The following NAALADL2 variants were observed in gnomAD, a reference collection of about 807,000 sequenced individuals.
NAALADL2 encodes inactive N-acetylated-alpha-linked acidic dipeptidase-like protein 2.
In NAALADL2, 76 loss-of-function variants were observed where a neutral mutation model predicts 87.2. That is an observed-to-expected ratio of 0.87 (90% CI 0.72 to 1.05). NAALADL2 has a LOEUF of 1.05. Ranked by LOEUF, NAALADL2 falls within the 50% of genes least tolerant of loss-of-function variation. The pLI, the probability that NAALADL2 is intolerant of heterozygous loss-of-function variation, is 0.00. For synonymous variants in NAALADL2, 354 were observed against 331.0 expected (o/e 1.07, Z -0.75); for missense variants, 1,089 against 945.8 (o/e 1.15, Z -1.99).
At chr3:175,062,480 G>C (rs1365732554) in intron 1 of NAALADL2, among the ~76,000 whole-genome samples, 4 of 80,710 alleles carry the variant, frequency 5.0e-5, no homozygotes, top group African/African-American at 2.4e-4. Context: ...GTTTGGCTGT[G>C]TGTGTGTGTG....
At chr3:174,648,783 T>C (rs1724060913) in intron 2 of NAALADL2, among the ~76,000 whole-genome samples, 1 of 152,210 alleles carries the variant, frequency 6.6e-6, no homozygotes, top group African/African-American at 2.4e-5. Context: ...TATGACTATA[T>C]TAAATGAATA....
At chr3:175,105,704 A>T (rs1307618742) in intron 2 of NAALADL2, among the ~76,000 whole-genome samples, 2 of 150,668 alleles carry the variant, frequency 1.3e-5, no homozygotes, top group African/African-American at 2.4e-5. Context: ...TTTTAAACAA[A>T]TTTTATCTAT....
intron 2 of NAALADL2, among the ~76,000 whole-genome samples, chr3:175,179,035 C>T (rs1736080928): frequency 6.6e-6 from 1 of 151,900 alleles, no homozygotes; most frequent in Non-Finnish European, 1.5e-5. Context: ...AAATGTCTAC[C>T]CTCCATGGTT....
chr3:175,193,182 A>G (rs1256446393), intron 2 of NAALADL2, among the ~76,000 whole-genome samples: 2 of 151,924 alleles, frequency 1.3e-5, no homozygotes, highest in Non-Finnish European at 2.9e-5. Context: ...TAGAAGCCCT[A>G]CATAGATTCC....
intron 1 of NAALADL2, among the ~76,000 whole-genome samples, chr3:174,524,948 G>T (rs1261849232): frequency 3.3e-5 from 5 of 152,176 alleles, no homozygotes; most frequent in Admixed American, 6.5e-5. Context: ...ATGTTTAGAT[G>T]TACAAACACT....
intron 11 of NAALADL2, among the ~76,000 whole-genome samples, chr3:175,641,268 A>G (rs1478479233): frequency 6.6e-6 from 1 of 151,996 alleles, no homozygotes; most frequent in African/African-American, 2.4e-5. Context: ...CCTCATCCCT[A>G]CCTTCTCATT....
At chr3:175,298,106 G>C (rs1281277623) in intron 4 of NAALADL2, among the ~76,000 whole-genome samples, 1 of 152,022 alleles carries the variant, frequency 6.6e-6, no homozygotes, top group African/African-American at 2.4e-5. Context: ...TTTCAAATAA[G>C]ACAGGGAAAC....
At chr3:175,363,097 T>C (rs1286661761) in intron 5 of NAALADL2, among the ~76,000 whole-genome samples, 1 of 147,714 alleles carries the variant, frequency 6.8e-6, no homozygotes, top group Non-Finnish European at 1.5e-5. Flanking sequence ...TGTTTGTTTG[T>C]TTCTGTCCCT....
At chr3:175,499,990 T>C (rs1729322062) in intron 9 of NAALADL2, among the ~76,000 whole-genome samples, 2 of 152,102 alleles carry the variant, frequency 1.3e-5, no homozygotes, top group African/African-American at 4.8e-5. Context: ...AGAGCGTCAA[T>C]ATTGACATCT....
chr3:175,558,194 C>CAAAAAAAAAAAAA (rs71164638), intron 9 of NAALADL2, among the ~76,000 whole-genome samples: 6 of 82,434 alleles, frequency 7.3e-5, no homozygotes, highest in East Asian at 4.3e-4. Flanking sequence ...GACCCCGTCT[C>CAAAAAAAAAAAAA]AAAAAAAAAA....
intron 5 of NAALADL2, among the ~76,000 whole-genome samples, chr3:175,403,811 T>G (rs1214182634): frequency 6.6e-6 from 1 of 152,148 alleles, no homozygotes; most frequent in Non-Finnish European, 1.5e-5. Context: ...GTGCAGAATT[T>G]CTAAACTCGC....
At chr3:174,787,043 ATTATT>A (rs1716760729) in intron 3 of NAALADL2, among the ~76,000 whole-genome samples, 1 of 82,352 alleles carries the variant, frequency 1.2e-5, no homozygotes, top group African/African-American at 5.0e-5. Flanking sequence ...AATATAATAA[ATTATT>A]ATATTATTAT....
intron 5 of NAALADL2, among the ~76,000 whole-genome samples, chr3:175,433,654 G>T (rs1290387417): frequency 6.6e-6 from 1 of 151,962 alleles, no homozygotes; most frequent in Non-Finnish European, 1.5e-5. Context: ...TACCTTATAA[G>T]AAAGTAGGCA....
intron 3 of NAALADL2, among the ~76,000 whole-genome samples, chr3:174,779,230 T>G (rs544076982): frequency 6.6e-6 from 1 of 152,222 alleles, no homozygotes; most frequent in Non-Finnish European, 1.5e-5. Context: ...TAATGACCAG[T>G]GATGATGAGC....
intron 2 of NAALADL2, among the ~76,000 whole-genome samples, chr3:174,696,518 TA>T (rs1336580131): frequency 6.6e-6 from 1 of 151,184 alleles, no homozygotes. Flanking sequence ...TATCATTTAT[TA>T]ATTACCTTAC....
chr3:174,767,297 T>A (rs1010165101), intron 3 of NAALADL2, among the ~76,000 whole-genome samples: 17 of 151,424 alleles, frequency 1.1e-4, no homozygotes, highest in African/African-American at 4.1e-4. Flanking sequence ...TTAGGAAACA[T>A]AATCAAGTTT....
At chr3:174,737,603 G>A (rs946484671) in intron 2 of NAALADL2, 6 of 152,062 alleles carry the variant, frequency 3.9e-5, no homozygotes, top group African/African-American at 1.2e-4. Flanking sequence ...TATCTGATGC[G>A]GTTCCCAATT....
chr3:174,833,230 G>A (rs1233763397), intron 3 of NAALADL2, among the ~76,000 whole-genome samples: 3 of 152,194 alleles, frequency 2.0e-5, no homozygotes, highest in Non-Finnish European at 4.4e-5. Flanking sequence ...AATGAGAAAT[G>A]TCAAGGTCAT....
chr3:174,976,523 C>A (rs569040339), intron 1 of NAALADL2, among the ~76,000 whole-genome samples: 1 of 152,256 alleles, frequency 6.6e-6, no homozygotes. Context: ...ATAAAAGCAG[C>A]TTCTTAAGCT....
Sources: allele counts gnomAD v4.1 joint callset (sites outside exome capture counted in the v4.1 genomes callset), GRCh38; gene constraint gnomAD v4.1.1; transcripts MANE v1.5; gene names NCBI Gene and HGNC (gene_info 2026-07-23, HGNC 2026-07-21).